The following NRG3 variants were observed in gnomAD, a reference collection of about 807,000 sequenced individuals.
NRG3 encodes neuregulin 3.
Under a neutral mutation model 66.9 loss-of-function variants are expected in NRG3, and 31 were observed. The ratio of observed to expected loss-of-function variants is 0.46; its 90% CI spans 0.35 to 0.63. NRG3 has a LOEUF of 0.63. Among genes scored for constraint, NRG3 ranks in the 20% least tolerant of loss-of-function variants. The pLI, the probability that NRG3 is intolerant of heterozygous loss-of-function variation, is 0.00. For synonymous variants in NRG3, 393 were observed against 359.4 expected, an observed-to-expected ratio of 1.09 and a Z score of -1.06; for missense variants, 910 against 878.9, an observed-to-expected ratio of 1.04 and a Z score of -0.45.
chr10:82,863,337 T>G (rs2064239226), intron 3 of NRG3, among the ~76,000 whole-genome samples: 1 of 152,232 alleles, frequency 6.6e-6, no homozygotes, highest in Non-Finnish European at 1.5e-5. Flanking sequence ...GCATGTGTCT[T>G]TATAGCAGAA....
At chr10:82,854,932 T>C (rs948548056) in intron 3 of NRG3, among the ~76,000 whole-genome samples, 19 of 152,318 alleles carry the variant, frequency 1.2e-4, no homozygotes, top group African/African-American at 4.6e-4. Context: ...TCTAGATGAA[T>C]ATCTTGGGCA....
At chr10:82,175,337 G>A (rs1419840546) in intron 1 of NRG3, among the ~76,000 whole-genome samples, 1 of 151,978 alleles carries the variant, frequency 6.6e-6, no homozygotes, top group Non-Finnish European at 1.5e-5. Context: ...AACTTTAAAG[G>A]CTCAAGAGTG....
chr10:82,099,021 T>A (rs1006971240), intron 1 of NRG3, among the ~76,000 whole-genome samples: 25 of 152,188 alleles, frequency 1.6e-4, no homozygotes, highest in African/African-American at 6.0e-4. Flanking sequence ...CGCATTGACC[T>A]CCCAAAGTGC....
chr10:82,730,026 A>G (rs2057811839), intron 2 of NRG3, among the ~76,000 whole-genome samples: 2 of 150,168 alleles, frequency 1.3e-5, no homozygotes, highest in Non-Finnish European at 3.0e-5. Context: ...GCCTCCATCT[A>G]CTTCTGAATT....
At chr10:82,253,827 A>G (rs1449359053) in intron 1 of NRG3, among the ~76,000 whole-genome samples, 1 of 152,138 alleles carries the variant, frequency 6.6e-6, no homozygotes, top group African/African-American at 2.4e-5. Context: ...CCTAAACCTC[A>G]CCATTCTTGC....
At chr10:82,779,824 A>G (rs1265712253) in intron 3 of NRG3, among the ~76,000 whole-genome samples, 1 of 152,044 alleles carries the variant, frequency 6.6e-6, no homozygotes, top group African/African-American at 2.4e-5. Flanking sequence ...TGCTGCACCC[A>G]TCAACAGTCA....
chr10:82,685,193 A>G (rs559162702), intron 2 of NRG3, among the ~76,000 whole-genome samples: 2 of 152,276 alleles, frequency 1.3e-5, no homozygotes, highest in South Asian at 2.1e-4. Flanking sequence ...GTTTTTTCCT[A>G]TTTATCATCT....
chr10:82,313,352 T>C (rs1021798947), intron 1 of NRG3, among the ~76,000 whole-genome samples: 1 of 151,416 alleles, frequency 6.6e-6, no homozygotes, highest in Non-Finnish European at 1.5e-5. Flanking sequence ...AATAAATAAA[T>C]ACAAATAAAA....
intron 1 of NRG3, among the ~76,000 whole-genome samples, chr10:81,923,476 A>G (rs1449872606): frequency 2.0e-5 from 3 of 152,152 alleles, no homozygotes. Flanking sequence ...ACGTGCTGGG[A>G]TTACAGGCGT....
chr10:82,518,549 T>C (rs1304167395), intron 2 of NRG3, among the ~76,000 whole-genome samples: 17 of 152,220 alleles, frequency 1.1e-4, no homozygotes, highest in Admixed American at 6.5e-5. Flanking sequence ...TGATAAACAT[T>C]AAAAGTTACA....
chr10:81,929,178 G>A (rs1847100331), intron 1 of NRG3, among the ~76,000 whole-genome samples: 1 of 151,968 alleles, frequency 6.6e-6, no homozygotes, highest in African/African-American at 2.4e-5. Context: ...CCTACGTCAT[G>A]ACATGGAAAA....
At chr10:82,359,477 T>C (rs2083985615) in intron 2 of NRG3, among the ~76,000 whole-genome samples, 1 of 152,212 alleles carries the variant, frequency 6.6e-6, no homozygotes. Flanking sequence ...AAACTCCCAG[T>C]AGAGATCAGG....
At chr10:82,060,285 G>T (rs187352897) in intron 1 of NRG3, among the ~76,000 whole-genome samples, 4 of 152,242 alleles carry the variant, frequency 2.6e-5, no homozygotes, top group Non-Finnish European at 5.9e-5. Context: ...ACAATATATG[G>T]CATGCATGAA....
At chr10:82,314,317 G>C (rs1269036158) in intron 1 of NRG3, among the ~76,000 whole-genome samples, 1 of 152,076 alleles carries the variant, frequency 6.6e-6, no homozygotes, top group Admixed American at 6.6e-5. Flanking sequence ...CTCATCTTTT[G>C]ATGACACTTC....
intron 1 of NRG3, among the ~76,000 whole-genome samples, chr10:82,208,552 A>G (rs1396376656): frequency 6.6e-6 from 1 of 152,154 alleles, no homozygotes; most frequent in Non-Finnish European, 1.5e-5. Flanking sequence ...ATCCTATAAA[A>G]GAGCACGAAC....
At chr10:82,477,082 A>T (rs751136284) in intron 2 of NRG3, among the ~76,000 whole-genome samples, 1 of 152,148 alleles carries the variant, frequency 6.6e-6, no homozygotes, top group Non-Finnish European at 1.5e-5. Context: ...GTGCTGCAGA[A>T]GCTGATGTTC....
intron 3 of NRG3, among the ~76,000 whole-genome samples, chr10:82,845,283 T>G (rs1379612659): frequency 1.3e-5 from 2 of 152,236 alleles, no homozygotes; most frequent in South Asian, 2.1e-4. Flanking sequence ...ATTAACTATC[T>G]TTTTTCCTTT....
intron 4 of NRG3, among the ~76,000 whole-genome samples, chr10:82,908,829 C>T (rs2131950339): frequency 7.2e-6 from 1 of 138,794 alleles, no homozygotes; most frequent in Non-Finnish European, 1.6e-5. Context: ...TCTGGGAATG[C>T]TCAGATTGCT....
At chr10:82,636,839 A>T (rs2050233564) in intron 2 of NRG3, among the ~76,000 whole-genome samples, 1 of 151,200 alleles carries the variant, frequency 6.6e-6, no homozygotes, top group South Asian at 2.1e-4. Context: ...TGTGTGAGAG[A>T]GAGAGTGTGT....
Sources: allele counts gnomAD v4.1 joint callset (sites outside exome capture counted in the v4.1 genomes callset), GRCh38; gene constraint gnomAD v4.1.1; transcripts MANE v1.5; gene names NCBI Gene and HGNC (gene_info 2026-07-23, HGNC 2026-07-21).